Variants in SLC7A5 observed in about 807,000 individuals in gnomAD.
SLC7A5 encodes large neutral amino acids transporter small subunit 1.
A neutral mutation model predicts 50.2 loss-of-function variants in SLC7A5; 23 were observed. The observed-to-expected ratio is 0.46, with a 90% confidence interval of 0.33 to 0.65. SLC7A5 has a LOEUF of 0.65. Among genes scored for constraint, SLC7A5 ranks in the 30% least tolerant of loss-of-function variants. The pLI is 0.02. For synonymous variants in SLC7A5, 393 were observed against 330.6 expected (o/e 1.19, Z -2.05); for missense variants, 578 against 684.4 (o/e 0.84, Z 1.73).
In SLC7A5 at chr16:87,862,989, C is replaced by A. The variant is rs1013650722; in HGVS notation, c.538+5896G>T. Among the ~76,000 whole-genome samples, 1 of 152,212 alleles carries A rather than the reference C, an allele frequency of 6.6e-6. No individual in the cohort carries two copies. The highest frequency in any genetic ancestry group is 1.5e-5 in the Non-Finnish European group (1 of 68,038). ...ACCCGCAGCCAGAGTCCCGCGAGAC[C>A]GACGGACGGCCTGCCCCTGCGTGAC... is the stretch of plus-strand genomic sequence containing the variant. On this transcript the variant is annotated intron_variant, in intron 1 of 9. Coordinates refer to ENST00000261622, the MANE Select transcript of SLC7A5 (RefSeq NM_003486.7). The surrounding 1 kb of genome is among the most constrained non-coding windows in gnomAD (Gnocchi z 5.3).
intron 1 of SLC7A5, among the ~76,000 whole-genome samples, chr16:87,857,995 G>A (rs1323442884): frequency 6.6e-6 from 1 of 152,188 alleles, no homozygotes; most frequent in Non-Finnish European, 1.5e-5. Flanking sequence ...GGGTAAGCAG[G>A]AGAACTGGAA....
chr16:87,838,124 G>A (rs1362078193), intron 6 of SLC7A5, among the ~76,000 whole-genome samples, 183 bp from the exon 7 acceptor site: 2 of 152,222 alleles, frequency 1.3e-5, no homozygotes, highest in Non-Finnish European at 2.9e-5. Context: ...AACCAACTCG[G>A]CAAGGACAGC....
rs1192600276 is a variant in SLC7A5, at chr16:87,830,061, C to CA, written c.*2908dup. Reference sequence around the variant, plus strand: ...TGTTTCTTTAAAAATAAAAACCCCACAAAAAAGCCAGAACACCCTACCCAA... The same window carrying CA: ...TGTTTCTTTAAAAATAAAAACCCCACAAAAAAAGCCAGAACACCCTACCCAA... On this transcript the variant is annotated 3_prime_UTR_variant, in exon 10 of 10. Transcript: ENST00000261622. 2 of 152,162 alleles carry CA rather than the reference C, an allele frequency of 1.3e-5. No individual in the cohort carries two copies. The highest frequency in any genetic ancestry group is 2.9e-5 in the Non-Finnish European group (2 of 68,046). 9.4% of individuals were successfully genotyped at this position (152,162 alleles called of 1,614,324 possible).
intron 2 of SLC7A5, among the ~76,000 whole-genome samples, chr16:87,849,811 C>T (rs1430050313): frequency 6.6e-6 from 1 of 152,146 alleles, no homozygotes; most frequent in Non-Finnish European, 1.5e-5. Flanking sequence ...TCTGGTACCC[C>T]GGGCGACTCT....
At chr16:87,857,765 G>T (rs1373010770) in intron 1 of SLC7A5, among the ~76,000 whole-genome samples, 3 of 152,240 alleles carry the variant, frequency 2.0e-5, no homozygotes, top group Non-Finnish European at 2.9e-5. Flanking sequence ...TAACAGGCTG[G>T]TGTCACATTT....
intron 2 of SLC7A5, among the ~76,000 whole-genome samples, chr16:87,847,711 C>G (rs1488751578): frequency 6.6e-6 from 1 of 152,162 alleles, no homozygotes; most frequent in African/African-American, 2.4e-5. Flanking sequence ...CACACTGCAC[C>G]CAGGGTCACA....
chr16:87,861,595 G>A lies in SLC7A5; in HGVS notation c.538+7290C>T, dbSNP rs931282720. Reference sequence around the variant, plus strand: ...AGAGGTGGCCAAGAGGTGCCAAGAGGTGGTCCAAGAGTGTGCCCTACCTTG... The same window carrying A: ...AGAGGTGGCCAAGAGGTGCCAAGAGATGGTCCAAGAGTGTGCCCTACCTTG... On this transcript the variant is annotated intron_variant, in intron 1 of 9. Coordinates refer to ENST00000261622, the MANE Select transcript of SLC7A5 (RefSeq NM_003486.7). The surrounding 1 kb of genome is among the most constrained non-coding windows in gnomAD (Gnocchi z 4.2). 5.3e-5 allele frequency among the ~76,000 whole-genome samples: 8 copies of A among 152,188 alleles called. No homozygotes were observed. Among genetic ancestry groups the A allele is most frequent in the African/African-American group, 1.9e-4 (8 of 41,452 alleles).
intron 1 of SLC7A5, among the ~76,000 whole-genome samples, chr16:87,855,555 G>A (rs530383178): frequency 2.2e-4 from 33 of 152,070 alleles, no homozygotes; most frequent in East Asian, 7.8e-4. Context: ...ATGACTCTCT[G>A]AGGTGCCTCC....
intron 1 of SLC7A5, among the ~76,000 whole-genome samples, chr16:87,854,604 G>C (rs969104880): frequency 6.6e-6 from 1 of 152,266 alleles, no homozygotes; most frequent in African/African-American, 2.4e-5. Context: ...CCCTGAGTCA[G>C]AGTGAGGGGG....
At chr16:87,837,811 G>C in intron 7 of SLC7A5, 34 bp downstream of exon 7, 1 of 1,554,988 alleles carries the variant, frequency 6.4e-7, no homozygotes, top group South Asian at 1.2e-5. Context: ...CAACCCCCAG[G>C]GATGTAGGGC....
At chr16:87,840,285 C>A in intron 4 of SLC7A5, 144 bp downstream of exon 4, 1 of 761,326 alleles carries the variant, frequency 1.3e-6, no homozygotes, top group Admixed American at 2.1e-5. Flanking sequence ...ACCCGCCCCA[C>A]ATCCTGCTGG....
chr16:87,855,693 GATGA>G (rs2055308359), intron 1 of SLC7A5, among the ~76,000 whole-genome samples: 1 of 152,118 alleles, frequency 6.6e-6, no homozygotes, highest in Admixed American at 6.5e-5. Flanking sequence ...CAAGCAAAGG[GATGA>G]TCCCCCAGGG....
chr16:87,851,592 G>A, intron 2 of SLC7A5, 132 bp downstream of exon 2: 7 of 1,174,892 alleles, frequency 6.0e-6, no homozygotes, highest in Non-Finnish European at 7.1e-6. Flanking sequence ...TTCCCAGAGG[G>A]AAATCTCCAC....
At position 87,837,833 on chromosome 16, in the gene SLC7A5, C is replaced by T; in HGVS notation, c.1140+12G>A. ...CAGGGATGTAGGGCACAGGGCCGTGCAGCAGGCTTACCGTGAACACGAGGG... is the reference window on the plus strand; with the variant it reads ...CAGGGATGTAGGGCACAGGGCCGTGTAGCAGGCTTACCGTGAACACGAGGG... On this transcript the variant is annotated intron_variant, in intron 7 of 9. Coordinates refer to ENST00000261622, the MANE Select transcript of SLC7A5 (RefSeq NM_003486.7). The T allele has an allele frequency of 6.3e-7, 1 of 1,596,166 alleles. No homozygotes were observed. Among genetic ancestry groups the T allele is most frequent in the Non-Finnish European group, 8.5e-7 (1 of 1,172,460 alleles).
At position 87,831,138 on chromosome 16, in the gene SLC7A5, C is replaced by T. The variant is rs914170354; in HGVS notation, c.*1832G>A. The stretch of plus-strand genomic sequence containing the variant: ...GAGAACAGGCCCAGAGGGAAGAGGT[C>T]TTGCCCAACACAGTCAGTCCACCTG... On this transcript the variant is annotated 3_prime_UTR_variant, in exon 10 of 10. Transcript: ENST00000261622. The T allele has an allele frequency of 6.8e-6, 1 of 147,976 alleles. No homozygotes were observed. Among genetic ancestry groups the T allele is most frequent in the Non-Finnish European group, 1.5e-5 (1 of 67,052 alleles). 9.2% of individuals were successfully genotyped at this position (147,976 alleles called of 1,614,324 possible).
Position 87,840,459 on chromosome 16 carries a change from A to G in SLC7A5, c.785T>C (p.Phe262Ser), listed in dbSNP as rs1273899560. The change falls in exon 4 of 10, where the codon TTC (phenylalanine) becomes TCC (serine). Residue 262 changes from phenylalanine (F) to serine (S), a missense_variant. Around this residue, in one of 2 missense-constraint regions of SLC7A5, gnomAD observed 465 missense variants for 594.6 expected, o/e 0.78. Coordinates refer to ENST00000261622, the MANE Select transcript of SLC7A5 (RefSeq NM_003486.7). Reference sequence around the variant, plus strand: ...GGGGTTGATCATTTCCTCTGTGACGAAATTCAAGTAATTCCTAAAATTTAG... The same window carrying G: ...GGGGTTGATCATTTCCTCTGTGACGGAATTCAAGTAATTCCTAAAATTTAG... Reference protein sequence around the residue: ...FAYGGWNYLNFVTEEMINPYR... With the variant: ...FAYGGWNYLNSVTEEMINPYR... 6.2e-7 allele frequency: 1 copy of G among 1,611,252 alleles called. No individual in the cohort carries two copies. Among genetic ancestry groups the G allele is most frequent in the Non-Finnish European group, 8.5e-7 (1 of 1,177,516 alleles).
At chr16:87,844,784 C>T (rs1041576569) in intron 2 of SLC7A5, among the ~76,000 whole-genome samples, 5 of 152,396 alleles carry the variant, frequency 3.3e-5, no homozygotes, top group Admixed American at 6.5e-5. Context: ...GTGCTGGGGC[C>T]TTCCGCCTTC....
At chr16:87,858,393 G>A (rs2055346885) in intron 1 of SLC7A5, among the ~76,000 whole-genome samples, 1 of 152,152 alleles carries the variant, frequency 6.6e-6, no homozygotes, top group Admixed American at 6.5e-5. Flanking sequence ...CTGGCTAAGT[G>A]CGGAGCCTCA....
chr16:87,840,510 C>T (rs775825729), intron 3 of SLC7A5, 37 bp from the exon 4 acceptor site: 6 of 1,529,528 alleles, frequency 3.9e-6, no homozygotes, highest in Middle Eastern at 1.7e-4. Flanking sequence ...TTATATGATC[C>T]TCATCAGGGA....
Sources: allele counts gnomAD v4.1 joint callset (sites outside exome capture counted in the v4.1 genomes callset), GRCh38; gene constraint gnomAD v4.1.1; regional missense constraint gnomAD v4.1.1; non-coding constraint Gnocchi (gnomAD v3.1); transcripts MANE v1.5; gene names NCBI Gene and HGNC (gene_info 2026-07-23, HGNC 2026-07-21).